The following BCKDHB variants were observed in gnomAD, a reference collection of about 807,000 sequenced individuals.
BCKDHB encodes 2-oxoisovalerate dehydrogenase subunit beta, mitochondrial.
BCKDHB carries 41 observed loss-of-function variants against 48.5 expected under a neutral mutation model. The observed-to-expected ratio is 0.85, with a 90% CI of 0.66 to 1.10. The LOEUF is 1.10. BCKDHB is among the 50% of genes least tolerant of loss of function. The pLI, the probability that BCKDHB is intolerant of heterozygous loss-of-function variation, is 0.00. For synonymous variants in BCKDHB, 201 were observed against 174.8 expected, an observed-to-expected ratio of 1.15 and a Z score of -1.18; for missense variants, 496 against 494.2, an observed-to-expected ratio of 1.00 and a Z score of -0.03.
In BCKDHB at chr6:80,309,583, T is replaced by TTTTG. The variant is rs536383356; in HGVS notation, c.1039-34053_1039-34050dup. On this transcript the variant is annotated intron_variant, in intron 9 of 9. Coordinates refer to ENST00000320393, the MANE Select transcript of BCKDHB (RefSeq NM_183050.4). ...TTCATGTATTTTGGCCTGTGGTTTT[T>TTTTG]TTTGTTTGTTTGTTTGTTTGTTTGT... 9.2e-3 allele frequency among the ~76,000 whole-genome samples: 1,403 copies of TTTTG among 152,204 alleles called. 27 individuals carry two copies. The highest frequency in any genetic ancestry group is 0.032 in the African/African-American group (1,322 of 41,522).
At chr6:80,157,617 C>T (rs931008772) in intron 3 of BCKDHB, among the ~76,000 whole-genome samples, 1 of 151,584 alleles carries the variant, frequency 6.6e-6, no homozygotes, top group Non-Finnish European at 1.5e-5. Flanking sequence ...AGGCATGTGC[C>T]ACCACACCTG....
intron 9 of BCKDHB, among the ~76,000 whole-genome samples, chr6:80,324,680 C>G (rs1192205377): frequency 2.6e-5 from 4 of 152,128 alleles, no homozygotes; most frequent in Non-Finnish European, 5.9e-5. Flanking sequence ...TCACTACCCT[C>G]CCTTCTCTCT....
At chr6:80,170,308 C>T (rs1772842955) in intron 5 of BCKDHB, among the ~76,000 whole-genome samples, 1 of 152,084 alleles carries the variant, frequency 6.6e-6, no homozygotes, top group Non-Finnish European at 1.5e-5. Flanking sequence ...TATAGTTTGC[C>T]TCAGGGAATC....
At chr6:80,115,364 C>T (rs537491528) in intron 1 of BCKDHB, among the ~76,000 whole-genome samples, 3 of 152,238 alleles carry the variant, frequency 2.0e-5, no homozygotes, top group Admixed American at 6.5e-5. Flanking sequence ...GGTTCTCCCT[C>T]AGTCTTATTT....
chr6:80,410,073 A>G, the BCKDHB span, among the ~76,000 whole-genome samples: 1 of 152,204 alleles, frequency 6.6e-6, no homozygotes, highest in South Asian at 2.1e-4. Context: ...ATGTTTTTGC[A>G]GTTGCTGGTA....
At chr6:80,283,058 C>T (rs2127976937) in intron 9 of BCKDHB, among the ~76,000 whole-genome samples, 1 of 152,190 alleles carries the variant, frequency 6.6e-6, no homozygotes, top group African/African-American at 2.4e-5. Context: ...AAAACCAATG[C>T]CACCTCACCG....
the BCKDHB span, among the ~76,000 whole-genome samples, chr6:80,440,453 C>T: frequency 6.6e-6 from 1 of 152,016 alleles, no homozygotes; most frequent in Non-Finnish European, 1.5e-5. Flanking sequence ...TTGCAAGATC[C>T]CTGATGGATT....
At chr6:80,203,361 T>C in intron 8 of BCKDHB, 149 bp downstream of exon 8, 1 of 660,392 alleles carries the variant, frequency 1.5e-6, no homozygotes. Flanking sequence ...GAAAGAAAGT[T>C]GTATAAACAG....
At chr6:80,275,264 G>A (rs951846513) in intron 9 of BCKDHB, among the ~76,000 whole-genome samples, 1 of 152,024 alleles carries the variant, frequency 6.6e-6, no homozygotes, top group African/African-American at 2.4e-5. Flanking sequence ...GAATATCTGG[G>A]ATTAGACAGG....
At chr6:80,267,874 G>A (rs1028931703) in intron 8 of BCKDHB, among the ~76,000 whole-genome samples, 3 of 151,914 alleles carry the variant, frequency 2.0e-5, no homozygotes, top group African/African-American at 7.3e-5. Context: ...TTTGTGCTCT[G>A]CTTGTTCCCT....
chr6:80,188,255 A>G (rs1022574761), intron 6 of BCKDHB, among the ~76,000 whole-genome samples: 1 of 152,204 alleles, frequency 6.6e-6, no homozygotes, highest in African/African-American at 2.4e-5. Context: ...AAACTAACAC[A>G]TGAACACAAA....
intron 9 of BCKDHB, among the ~76,000 whole-genome samples, chr6:80,308,720 G>T (rs559324743): frequency 6.6e-6 from 1 of 151,036 alleles, no homozygotes; most frequent in African/African-American, 2.4e-5. Flanking sequence ...TCAGCCTCCC[G>T]AGTAGCTGGG....
intron 8 of BCKDHB, among the ~76,000 whole-genome samples, chr6:80,203,471 T>G (rs1203195903): frequency 6.6e-6 from 1 of 152,104 alleles, no homozygotes; most frequent in African/African-American, 2.4e-5. Context: ...TGCAGTCACC[T>G]TGGGTTGAAT....
the BCKDHB span, among the ~76,000 whole-genome samples, chr6:80,420,802 C>T: frequency 2.6e-5 from 4 of 152,142 alleles, no homozygotes; most frequent in African/African-American, 9.7e-5. Context: ...CTAAGTGGGC[C>T]TTTTGGGCAG....
At chr6:80,255,845 A>G (rs1218182596) in intron 8 of BCKDHB, among the ~76,000 whole-genome samples, 1 of 151,326 alleles carries the variant, frequency 6.6e-6, no homozygotes, top group East Asian at 1.9e-4. Context: ...TGAAGGACAT[A>G]AAGATGTCAG....
At chr6:80,414,170 G>T in the BCKDHB span, among the ~76,000 whole-genome samples, 3 of 151,866 alleles carry the variant, frequency 2.0e-5, no homozygotes, top group East Asian at 5.8e-4. Flanking sequence ...TTGTAAATTT[G>T]TTTAAGTTTC....
At chr6:80,196,655 A>G (rs894728704) in intron 6 of BCKDHB, among the ~76,000 whole-genome samples, 1 of 152,158 alleles carries the variant, frequency 6.6e-6, no homozygotes, top group African/African-American at 2.4e-5. Context: ...TATATTATTT[A>G]CACACCTCAC....
chr6:80,110,304 A>G (rs1769346087), intron 1 of BCKDHB, among the ~76,000 whole-genome samples: 1 of 152,144 alleles, frequency 6.6e-6, no homozygotes, highest in Non-Finnish European at 1.5e-5. Flanking sequence ...CTAGCTGCTA[A>G]GGATGTGATC....
chr6:80,161,438 A>AG (rs1225356374), intron 3 of BCKDHB, among the ~76,000 whole-genome samples: 1 of 152,110 alleles, frequency 6.6e-6, no homozygotes, highest in African/African-American at 2.4e-5. Flanking sequence ...AGAATGGGGC[A>AG]GAAAAAAAAA....
Sources: gnomAD v4.1 joint callset for allele counts (sites outside exome capture counted in the v4.1 genomes callset) on GRCh38, gnomAD v4.1.1 for gene constraint, MANE v1.5 for transcripts, NCBI Gene and HGNC (gene_info 2026-07-23, HGNC 2026-07-21) for gene names.